SIDT1: variants seen among roughly 807,000 people sequenced by gnomAD.
The protein encoded by SIDT1 is SID1 transmembrane family member 1.
In SIDT1, 101 loss-of-function variants were observed where a neutral mutation model predicts 107.5. The observed-to-expected ratio is 0.94, with a 90% CI of 0.80 to 1.11. SIDT1 has a LOEUF of 1.11. Among genes scored for constraint, SIDT1 ranks in the 50% least tolerant of loss-of-function variants. The pLI is 0.00. For synonymous variants in SIDT1, 395 were observed against 398.2 expected (o/e 0.99, Z 0.10); for missense variants, 1,076 against 1,058.2 (o/e 1.02, Z -0.23).
intron 9 of SIDT1, among the ~76,000 whole-genome samples, chr3:113,591,677 A>G (rs1330076565): frequency 6.6e-6 from 1 of 152,392 alleles, no homozygotes; most frequent in South Asian, 2.1e-4. Flanking sequence ...CCTGGGCGAC[A>G]GAGCGAGACT....
chr3:113,609,207 T>C (rs1458861778), intron 17 of SIDT1, among the ~76,000 whole-genome samples: 2 of 151,716 alleles, frequency 1.3e-5, no homozygotes, highest in South Asian at 2.1e-4. Flanking sequence ...GGACTACTGG[T>C]GCGCACCACC....
At chr3:113,601,733 C>A in intron 11 of SIDT1, 74 bp downstream of exon 11, 1 of 1,018,556 alleles carries the variant, frequency 9.8e-7, no homozygotes, top group South Asian at 1.5e-5. Flanking sequence ...GCATTCCAGC[C>A]ACTAATAACT....
intron 1 of SIDT1, among the ~76,000 whole-genome samples, chr3:113,535,767 C>A (rs1938081865): frequency 6.6e-6 from 1 of 152,312 alleles, no homozygotes; most frequent in Admixed American, 6.5e-5. Context: ...TGGGACCAAT[C>A]TTTAATATGC....
At chr3:113,593,563 C>T (rs879311271) in intron 10 of SIDT1, among the ~76,000 whole-genome samples, 20 of 152,174 alleles carry the variant, frequency 1.3e-4, no homozygotes, top group Admixed American at 5.9e-4. Context: ...ATTATTGAGA[C>T]GTGGAGCTCA....
intron 21 of SIDT1, among the ~76,000 whole-genome samples, chr3:113,622,493 T>C (rs1946536235): frequency 7.0e-6 from 1 of 143,554 alleles, no homozygotes; most frequent in South Asian, 2.2e-4. Flanking sequence ...AAAAAAACTA[T>C]TTCAAAACAA....
rs562713353 is a variant in SIDT1, at chr3:113,605,806, C to G, written c.1404+830C>G. 3.6e-3 allele frequency among the ~76,000 whole-genome samples: 548 copies of G among 152,018 alleles called. 2 individuals carry two copies. The highest frequency in any genetic ancestry group is 0.012 in the African/African-American group (510 of 41,448). Reference sequence around the variant, plus strand: ...ATTGCCTGAGCTCAGGAGTTTGAGACCAGCCTGGGCAACATGGCGAAACCC... The same window carrying G: ...ATTGCCTGAGCTCAGGAGTTTGAGAGCAGCCTGGGCAACATGGCGAAACCC... On this transcript the variant is annotated intron_variant, in intron 14 of 24. Transcript: ENST00000264852.
In SIDT1 at chr3:113,623,532, G is replaced by A. The variant is rs747379069; in HGVS notation, c.2196G>A (p.Lys732=). ...LLYLAFYIIM[K]LRSSEKVLPV... Reference sequence around the variant, plus strand: ...ACCTGGCCTTTTACATCATCATGAAGGTAAGAGCGGGTGCCGGGAGCGGCT... The same window carrying A: ...ACCTGGCCTTTTACATCATCATGAAAGTAAGAGCGGGTGCCGGGAGCGGCT... The change falls in exon 22 of 25, where the codon AAG becomes AAA. Residue 732 remains lysine, a splice_region_variant and synonymous_variant. Transcript: ENST00000264852. 28 of 1,612,036 alleles carry A rather than the reference G, an allele frequency of 1.7e-5. No homozygotes were observed. Among genetic ancestry groups the A allele is most frequent in the Non-Finnish European group, 2.2e-5 (26 of 1,178,144 alleles).
chr3:113,551,046 A>G (rs1467271497), intron 1 of SIDT1, among the ~76,000 whole-genome samples: 1 of 152,194 alleles, frequency 6.6e-6, no homozygotes, highest in African/African-American at 2.4e-5. Context: ...TAGTTTGCTA[A>G]GGATAATGGC....
Position 113,603,125 on chromosome 3 carries a change from G to A in SIDT1, c.1238G>A (p.Ser413Asn). 6.2e-7 allele frequency: 1 copy of A among 1,613,966 alleles called. No homozygotes were observed. The change falls in exon 12 of 25, where the codon AGT becomes AAT. Residue 413 changes from serine (S) to asparagine (N), a missense_variant. Ser to Asn is a conservative substitution (Grantham distance 46). Transcript: ENST00000264852. ...TTCGACACCATGCCAGACATTGAGA[G>A]TGATAAAAACATCATCCGGACCAAG... ...SDFDTMPDIE[S>N]DKNIIRTKMF...
At position 113,620,515 on chromosome 3, in the gene SIDT1, T is replaced by A. The variant is rs548048165; in HGVS notation, c.2090+789T>A. ...TGGCCTGTGATTAAAAAAAAAAAAATGATTCTGTAATCCCAGTGAACAGTA... is the reference window on the plus strand; with the variant it reads ...TGGCCTGTGATTAAAAAAAAAAAAAAGATTCTGTAATCCCAGTGAACAGTA... On this transcript the variant is annotated intron_variant, in intron 21 of 24. Transcript: ENST00000264852. Among the ~76,000 whole-genome samples the A allele has an allele frequency of 4.1e-5, 6 of 148,006 alleles. No individual in the cohort carries two copies. The South Asian group carries it at 6.5e-4, about 16-fold the overall frequency.
intron 11 of SIDT1, chr3:113,601,994 A>C: frequency 5.0e-6 from 1 of 199,342 alleles, no homozygotes; most frequent in Non-Finnish European, 1.0e-5. Context: ...CCTGACATCA[A>C]TTGACCAGTT....
chr3:113,550,469 T>C (rs947805743), intron 1 of SIDT1, among the ~76,000 whole-genome samples: 1 of 152,214 alleles, frequency 6.6e-6, no homozygotes, highest in Admixed American at 6.5e-5. Flanking sequence ...TGGCGGAAGA[T>C]GAAGAACACA....
intron 1 of SIDT1, among the ~76,000 whole-genome samples, chr3:113,536,395 T>C (rs1938168014): frequency 6.6e-6 from 1 of 152,176 alleles, no homozygotes; most frequent in Non-Finnish European, 1.5e-5. Flanking sequence ...GCCTGCAGGG[T>C]CATTGCCCAC....
chr3:113,623,290 A>C (rs1946599060), intron 21 of SIDT1, 137 bp from the exon 22 acceptor site: 1 of 514,484 alleles, frequency 1.9e-6, no homozygotes, highest in African/African-American at 2.0e-5. Flanking sequence ...TTAAAAAAAA[A>C]TAAAATGAAC....
intron 1 of SIDT1, among the ~76,000 whole-genome samples, chr3:113,545,546 T>C (rs1478756720): frequency 6.6e-6 from 1 of 152,158 alleles, no homozygotes; most frequent in African/African-American, 2.4e-5. Context: ...CCTCTCCCCA[T>C]CACTAGCAAA....
intron 17 of SIDT1, among the ~76,000 whole-genome samples, chr3:113,609,005 C>T (rs1477262935): frequency 6.6e-6 from 1 of 151,500 alleles, no homozygotes; most frequent in African/African-American, 2.4e-5. Flanking sequence ...TTTGAGAAAG[C>T]CACAGATAAT....
intron 12 of SIDT1, 25 bp from the exon 13 acceptor site, chr3:113,603,935 A>G (rs1471709715): frequency 1.9e-6 from 3 of 1,579,046 alleles, no homozygotes; most frequent in Non-Finnish European, 2.6e-6. Flanking sequence ...ACAGTTTTGC[A>G]TTCTCTTTTT....
rs533023769 is a variant in SIDT1 at position 113,541,827 on chromosome 3, T to A, written c.222+8584T>A. Among the ~76,000 whole-genome samples the A allele has an allele frequency of 8.5e-5, 13 of 152,160 alleles. No individual in the cohort carries two copies. In the South Asian group the frequency reaches 2.7e-3, roughly 32 times the overall value. Reference sequence around the variant, plus strand: ...AAATAAAATTTTTTTCCTTCCCTTATAAGTAACTTTACTACCTGGATTCCT... The same window carrying A: ...AAATAAAATTTTTTTCCTTCCCTTAAAAGTAACTTTACTACCTGGATTCCT... On this transcript the variant is annotated intron_variant, in intron 1 of 24. Coordinates refer to ENST00000264852, the MANE Select transcript of SIDT1 (RefSeq NM_017699.3).
chr3:113,633,084 C>T (rs1947103797), downstream of SIDT1: 1 of 152,162 alleles, frequency 6.6e-6, no homozygotes, highest in East Asian at 1.9e-4. Flanking sequence ...GCCCTAATTG[C>T]TGATAGCATC....
Sources: gnomAD v4.1 joint callset for allele counts (sites outside exome capture counted in the v4.1 genomes callset) on GRCh38, gnomAD v4.1.1 for gene constraint, MANE v1.5 for transcripts, NCBI Gene and HGNC (gene_info 2026-07-23, HGNC 2026-07-21) for gene names.